PARD3B: variants seen among roughly 807,000 people sequenced by gnomAD.
PARD3B encodes partitioning defective 3 homolog B.
PARD3B carries 103 observed loss-of-function variants against 130.2 expected under a neutral mutation model. The ratio of observed to expected loss-of-function variants is 0.79; its 90% CI spans 0.67 to 0.93. The LOEUF (loss-of-function observed/expected upper bound fraction) is 0.93, where lower values mean the gene tolerates loss of function less well. Ranked by LOEUF, PARD3B falls within the 40% of genes least tolerant of loss-of-function variation. The pLI is 0.00. For synonymous variants in PARD3B, 583 were observed against 553.2 expected (o/e 1.05, Z -0.76); for missense variants, 1,609 against 1,499.2 (o/e 1.07, Z -1.21).
chr2:205,351,111 A>G lies in PARD3B; in HGVS notation c.2630+49410A>G, dbSNP rs938943475. On this transcript the variant is annotated intron_variant, in intron 18 of 22. Coordinates refer to ENST00000406610, the MANE Select transcript of PARD3B (RefSeq NM_001302769.2). The surrounding 1 kb of genome is among the most constrained non-coding windows in gnomAD (Gnocchi z 4.2). ...AGTGAAATTCTCTTGATATTTTTTC[A>G]AAAGGTGAATATTTTCTGGAATAAA... Among the ~76,000 whole-genome samples, 1 of 152,190 alleles carries G rather than the reference A, an allele frequency of 6.6e-6. No homozygotes were observed. The highest frequency in any genetic ancestry group is 2.4e-5 in the African/African-American group (1 of 41,450).
Position 205,559,864 on chromosome 2 carries a change from G to A in PARD3B, c.3260+6461G>A, listed in dbSNP as rs1242295766. Among the ~76,000 whole-genome samples the A allele has an allele frequency of 3.3e-5, 5 of 152,124 alleles. No individual in the cohort carries two copies. In the South Asian group the frequency reaches 1.0e-3, roughly 31 times the overall value. On this transcript the variant is annotated intron_variant, in intron 22 of 22. Transcript: ENST00000406610. ...TCCACCCGTCTTGGCCTCCCAAAGT[G>A]CTAGGATTACAGGCGTGAGCCACCG...
At chr2:205,197,257 C>T (rs112039062) in intron 15 of PARD3B, among the ~76,000 whole-genome samples, 6 of 151,568 alleles carry the variant, frequency 4.0e-5, no homozygotes, top group African/African-American at 9.7e-5. Context: ...ATTTTAAGGC[C>T]CTTACTGGCT....
At chr2:204,973,206 G>A (rs1691855899) in intron 3 of PARD3B, among the ~76,000 whole-genome samples, 1 of 152,042 alleles carries the variant, frequency 6.6e-6, no homozygotes, top group African/African-American at 2.4e-5. Flanking sequence ...TACAAGTACT[G>A]CTTTTCACAG....
At chr2:205,539,648 C>T (rs1208763859) in intron 21 of PARD3B, among the ~76,000 whole-genome samples, 1 of 152,178 alleles carries the variant, frequency 6.6e-6, no homozygotes, top group Non-Finnish European at 1.5e-5. Context: ...TACTAAAACC[C>T]ACACTGAAGT....
At chr2:205,169,730 A>G (rs1475634966) in intron 11 of PARD3B, among the ~76,000 whole-genome samples, 1 of 152,138 alleles carries the variant, frequency 6.6e-6, no homozygotes, top group African/African-American at 2.4e-5. Flanking sequence ...TAGGACCAGG[A>G]ACTGGATTCA....
intron 2 of PARD3B, among the ~76,000 whole-genome samples, chr2:204,915,165 A>G (rs574045608): frequency 1.1e-4 from 17 of 152,116 alleles, no homozygotes; most frequent in Non-Finnish European, 2.4e-4. Flanking sequence ...AAGAGAGAAC[A>G]TTGTTAGCTA....
intron 22 of PARD3B, among the ~76,000 whole-genome samples, chr2:205,609,062 A>C (rs574202997): frequency 3.3e-5 from 5 of 152,332 alleles, no homozygotes; most frequent in African/African-American, 1.2e-4. Flanking sequence ...TTTCTATAAT[A>C]TAGGCCATCA....
chr2:204,817,301 A>T (rs1297933308), intron 2 of PARD3B, among the ~76,000 whole-genome samples: 3 of 150,482 alleles, frequency 2.0e-5, no homozygotes, highest in Non-Finnish European at 4.4e-5. Context: ...TGGGCACTGG[A>T]TATTATTTTT....
intron 2 of PARD3B, among the ~76,000 whole-genome samples, chr2:204,820,070 A>ATTTTTTT (rs1559170803): frequency 1.4e-4 from 12 of 86,284 alleles, no homozygotes; most frequent in Non-Finnish European, 1.9e-4. Context: ...TAAACAATAG[A>ATTTTTTT]CTTTTTTTTT....
intron 3 of PARD3B, among the ~76,000 whole-genome samples, chr2:205,043,923 A>T (rs1698562447): frequency 6.6e-6 from 1 of 151,292 alleles, no homozygotes; most frequent in South Asian, 2.1e-4. Flanking sequence ...GTCATCTAGC[A>T]TTAGGTATAT....
chr2:204,549,284 C>A (rs2030264621), intron 1 of PARD3B, among the ~76,000 whole-genome samples: 1 of 152,122 alleles, frequency 6.6e-6, no homozygotes, highest in African/African-American at 2.4e-5. Context: ...TTGCTTATCT[C>A]CGAATCCTGA....
chr2:204,739,810 C>T (rs1471723644), intron 2 of PARD3B, among the ~76,000 whole-genome samples: 1 of 151,684 alleles, frequency 6.6e-6, no homozygotes, highest in South Asian at 2.1e-4. Flanking sequence ...TTATTTTTAT[C>T]GGAAAAAAAT....
chr2:204,688,446 G>A (rs1038675494), intron 2 of PARD3B, among the ~76,000 whole-genome samples: 1 of 151,780 alleles, frequency 6.6e-6, no homozygotes, highest in Non-Finnish European at 1.5e-5. Flanking sequence ...CAGGAGTGGT[G>A]GCATGCACCT....
intron 2 of PARD3B, among the ~76,000 whole-genome samples, chr2:204,920,276 C>A (rs527458058): frequency 1.3e-3 from 195 of 152,280 alleles, no homozygotes; most frequent in South Asian, 2.7e-3. Flanking sequence ...CTGTGGCAGT[C>A]ACTTTTTGTA....
intron 2 of PARD3B, among the ~76,000 whole-genome samples, chr2:204,936,376 A>C (rs1688460138): frequency 6.6e-6 from 1 of 152,202 alleles, no homozygotes. Context: ...GACAAAGGTA[A>C]AATATTGTTG....
At chr2:204,946,624 G>A (rs1156603959) in intron 2 of PARD3B, among the ~76,000 whole-genome samples, 1 of 152,170 alleles carries the variant, frequency 6.6e-6, no homozygotes, top group African/African-American at 2.4e-5. Flanking sequence ...TAAAGAGGAT[G>A]TACTGTCAGG....
At chr2:205,107,683 C>T (rs900108760) in intron 5 of PARD3B, among the ~76,000 whole-genome samples, 1 of 152,160 alleles carries the variant, frequency 6.6e-6, no homozygotes, top group African/African-American at 2.4e-5. Context: ...CACATTGCTC[C>T]ATAAATCATA....
chr2:204,900,675 C>T (rs1359347598), intron 2 of PARD3B, among the ~76,000 whole-genome samples: 2 of 152,140 alleles, frequency 1.3e-5, no homozygotes, highest in African/African-American at 4.8e-5. Flanking sequence ...CTTCTTTATG[C>T]TCGTGGATGT....
intron 2 of PARD3B, among the ~76,000 whole-genome samples, chr2:204,882,629 G>A (rs1266563804): frequency 2.6e-5 from 4 of 152,124 alleles, no homozygotes; most frequent in Admixed American, 2.0e-4. Context: ...TACAAACAAA[G>A]AGTCCTACTA....
Sources: gnomAD v4.1 joint callset for allele counts (sites outside exome capture counted in the v4.1 genomes callset) on GRCh38, gnomAD v4.1.1 for gene constraint, Gnocchi (gnomAD v3.1) non-coding constraint, MANE v1.5 for transcripts, NCBI Gene and HGNC (gene_info 2026-07-23, HGNC 2026-07-21) for gene names.